The following WWOX variants were observed in gnomAD, a reference collection of about 807,000 sequenced individuals.
WWOX encodes WW domain-containing oxidoreductase.
WWOX carries 69 observed loss-of-function variants against 46.2 expected under a neutral mutation model. The ratio of observed to expected loss-of-function variants is 1.49; its 90% confidence interval spans 1.23 to 1.82. The LOEUF (loss-of-function observed/expected upper bound fraction) is 1.82. Ranked by LOEUF, WWOX falls within the 40% of genes most tolerant of loss-of-function variation. The pLI is 0.00. For missense variants in WWOX, 919 were observed against 542.6 expected, an observed-to-expected ratio of 1.69 and a Z score of -6.89; for synonymous variants, 359 against 202.6, an observed-to-expected ratio of 1.77 and a Z score of -6.56.
intron 8 of WWOX, among the ~76,000 whole-genome samples, chr16:78,597,316 T>G (rs2045514687): frequency 1.3e-5 from 2 of 152,182 alleles, no homozygotes; most frequent in Non-Finnish European, 2.9e-5. Context: ...GCACCTACTG[T>G]GTGCCGGGCA....
At chr16:78,620,971 G>T (rs2548875) in intron 8 of WWOX, among the ~76,000 whole-genome samples, 114,652 of 152,044 alleles carry the variant, frequency 0.75, 43,572 homozygotes, top group Middle Eastern at 0.83. Context: ...TGTATTTTTA[G>T]TTTTTTCTAC....
At chr16:78,740,707 T>G (rs369647802) in intron 8 of WWOX, among the ~76,000 whole-genome samples, 26 of 152,122 alleles carry the variant, frequency 1.7e-4, no homozygotes, top group African/African-American at 6.0e-4. Context: ...GAAGCGCTAG[T>G]AATTGGGGCA....
intron 8 of WWOX, among the ~76,000 whole-genome samples, chr16:78,829,050 A>G (rs769533051): frequency 1.4e-4 from 22 of 152,112 alleles, no homozygotes; most frequent in Non-Finnish European, 2.8e-4. Flanking sequence ...TCTAAACATC[A>G]TAAGCAGAAC....
At chr16:78,244,704 G>A (rs7197837) in intron 5 of WWOX, among the ~76,000 whole-genome samples, 2 of 152,176 alleles carry the variant, frequency 1.3e-5, no homozygotes, top group African/African-American at 4.8e-5. Context: ...CTTAGCCTTC[G>A]AGCAGTAGCA....
intron 8 of WWOX, among the ~76,000 whole-genome samples, chr16:78,674,262 G>A (rs1246493631): frequency 6.8e-6 from 1 of 147,492 alleles, no homozygotes; most frequent in Admixed American, 6.9e-5. Context: ...CATCCAACTC[G>A]TTCCAACCAG....
intron 8 of WWOX, among the ~76,000 whole-genome samples, chr16:79,001,260 A>G (rs563831143): frequency 6.6e-6 from 1 of 152,208 alleles, no homozygotes; most frequent in South Asian, 2.1e-4. Context: ...CTCTCCCAAG[A>G]CAAAGGCCTC....
At chr16:78,303,823 G>A (rs1169044608) in intron 5 of WWOX, among the ~76,000 whole-genome samples, 1 of 152,130 alleles carries the variant, frequency 6.6e-6, no homozygotes, top group Non-Finnish European at 1.5e-5. Context: ...GGGATTACAG[G>A]TGTGAGCCAC....
chr16:78,986,915 T>G (rs2046795075), intron 8 of WWOX, among the ~76,000 whole-genome samples: 1 of 152,084 alleles, frequency 6.6e-6, no homozygotes, highest in African/African-American at 2.4e-5. Context: ...AAGGACTCAG[T>G]AAAACAAAGT....
intron 8 of WWOX, among the ~76,000 whole-genome samples, chr16:79,024,984 C>A (rs561108242): frequency 6.6e-6 from 1 of 152,274 alleles, no homozygotes; most frequent in South Asian, 2.1e-4. Context: ...GGAGTTCAAT[C>A]CTAGGACCTG....
rs895554543 is a variant in WWOX at position 79,212,328 on chromosome 16, C to A, written c.*532C>A. The A allele has an allele frequency of 5.3e-6, 4 of 754,232 alleles. No homozygotes were observed. The highest frequency in any genetic ancestry group is 6.1e-6 in the Non-Finnish European group (3 of 489,160). The allele number at this position is 754,232 out of a possible 1,614,324, so 46.7% of individuals were successfully genotyped here. ...GGGGAGACAAATCTCAGAACCTTGT[C>A]CCAGCCAGTGAGGATGACAGTGACA... On this transcript the variant is annotated 3_prime_UTR_variant, in exon 9 of 9. Transcript: ENST00000566780.
At chr16:78,642,100 T>A (rs1206891750) in intron 8 of WWOX, among the ~76,000 whole-genome samples, 1 of 152,144 alleles carries the variant, frequency 6.6e-6, no homozygotes, top group Non-Finnish European at 1.5e-5. Context: ...AGACTGTCTG[T>A]CCCCCAAATA....
At chr16:78,333,397 T>C (rs1359592723) in intron 5 of WWOX, among the ~76,000 whole-genome samples, 2 of 152,168 alleles carry the variant, frequency 1.3e-5, no homozygotes, top group East Asian at 3.9e-4. Flanking sequence ...TTTTAATGTT[T>C]ATATAGAAAA....
At chr16:78,109,981 A>G (rs2032395760) in intron 3 of WWOX, 146 bp downstream of exon 3, 15 of 862,486 alleles carry the variant, frequency 1.7e-5, no homozygotes, top group Non-Finnish European at 2.8e-5. Flanking sequence ...TACTTTTAAC[A>G]TCGCTGGAAC....
intron 8 of WWOX, among the ~76,000 whole-genome samples, chr16:78,630,883 T>C (rs72628252): frequency 3.6e-5 from 5 of 138,028 alleles, no homozygotes; most frequent in Admixed American, 2.1e-4. Context: ...TCAGCCCCCC[T>C]CTCTCTGGGT....
intron 8 of WWOX, among the ~76,000 whole-genome samples, chr16:78,694,808 G>A (rs1310982290): frequency 1.3e-5 from 2 of 151,434 alleles, no homozygotes; most frequent in African/African-American, 4.8e-5. Context: ...TTTAAGTCCT[G>A]AATCACCCCA....
chr16:78,957,252 A>C (rs2046185948), intron 8 of WWOX, among the ~76,000 whole-genome samples: 1 of 152,206 alleles, frequency 6.6e-6, no homozygotes, highest in Admixed American at 6.5e-5. Flanking sequence ...GTGACGAAAT[A>C]ATTATTTTGA....
chr16:79,019,625 C>T (rs1045860224), intron 8 of WWOX, among the ~76,000 whole-genome samples: 8 of 151,810 alleles, frequency 5.3e-5, no homozygotes, highest in Admixed American at 3.3e-4. Context: ...TATCTGTGAG[C>T]TCAGGAAGCA....
intron 5 of WWOX, among the ~76,000 whole-genome samples, chr16:78,240,910 A>T (rs1055655826): frequency 6.6e-6 from 1 of 151,192 alleles, no homozygotes; most frequent in Admixed American, 6.6e-5. Flanking sequence ...AGAGGGAGAG[A>T]CTCCAAGAAT....
At chr16:78,406,925 C>T (rs949757608) in intron 6 of WWOX, among the ~76,000 whole-genome samples, 11 of 152,166 alleles carry the variant, frequency 7.2e-5, no homozygotes, top group Non-Finnish European at 1.2e-4. Flanking sequence ...TGTGCCCGGC[C>T]GGATAGAAAT....
Sources: allele counts gnomAD v4.1 joint callset (sites outside exome capture counted in the v4.1 genomes callset), GRCh38; gene constraint gnomAD v4.1.1; transcripts MANE v1.5; gene names NCBI Gene and HGNC (gene_info 2026-07-23, HGNC 2026-07-21).